The following RSU1 variants were observed in gnomAD, a reference collection of about 807,000 sequenced individuals.
RSU1 encodes the protein Ras suppressor protein 1.
Under a neutral mutation model 31.1 loss-of-function variants are expected in RSU1, and 26 were observed. That is an observed-to-expected ratio of 0.84 (90% CI 0.61 to 1.16). RSU1 has a LOEUF of 1.16. Ranked by LOEUF, RSU1 falls within the 50% of genes most tolerant of loss-of-function variation. The pLI is 0.00. For synonymous variants in RSU1, 164 were observed against 136.3 expected, an observed-to-expected ratio of 1.20 and a Z score of -1.41; for missense variants, 320 against 339.1, an observed-to-expected ratio of 0.94 and a Z score of 0.44.
intron 8 of RSU1, among the ~76,000 whole-genome samples, chr10:16,642,991 T>C (rs1403881852): frequency 6.6e-6 from 1 of 152,250 alleles, no homozygotes; most frequent in Non-Finnish European, 1.5e-5. Context: ...TTTTGATAAG[T>C]ACAAGTGTTT....
In RSU1 at chr10:16,745,644, G is replaced by T. The variant is rs1169791085; in HGVS notation, c.598+6895C>A. On this transcript the variant is annotated intron_variant, in intron 7 of 8. Transcript: ENST00000345264. ...CGGCACAGGAAAGACCCGCCCCCAT[G>T]ATTCAGTCATCTCCCACCAGGTCCC... 1.5e-4 allele frequency among the ~76,000 whole-genome samples: 23 copies of T among 152,160 alleles called. 1 individual carries two copies. The highest frequency in any genetic ancestry group is 1.5e-3 in the Admixed American group (23 of 15,280).
rs1833542144 is a variant in RSU1 at position 16,593,264 on chromosome 10, G to A, written c.*130C>T. The A allele has an allele frequency of 6.8e-7, 1 of 1,470,176 alleles. No individual in the cohort carries two copies. The highest frequency in any genetic ancestry group is 9.0e-7 in the Non-Finnish European group (1 of 1,106,452). The allele number at this position is 1,470,176 out of a possible 1,614,324, so 91.1% of individuals were successfully genotyped here. ...CTAAAAGGTAAGGTGGGAAGCATTAGAAAGAGAGTGAAAAGAAAAATAAAA... is the reference window on the plus strand; with the variant it reads ...CTAAAAGGTAAGGTGGGAAGCATTAAAAAGAGAGTGAAAAGAAAAATAAAA... On this transcript the variant is annotated 3_prime_UTR_variant, in exon 9 of 9. Coordinates refer to ENST00000345264, the MANE Select transcript of RSU1 (RefSeq NM_012425.4).
At chr10:16,636,419 G>A (rs994123216) in intron 8 of RSU1, among the ~76,000 whole-genome samples, 4 of 152,118 alleles carry the variant, frequency 2.6e-5, no homozygotes, top group Admixed American at 2.0e-4. Flanking sequence ...TCCCTCTCCC[G>A]CTTCGAATAA....
intron 2 of RSU1, among the ~76,000 whole-genome samples, chr10:16,782,555 T>A (rs1837676232): frequency 6.6e-6 from 1 of 152,212 alleles, no homozygotes; most frequent in Non-Finnish European, 1.5e-5. Flanking sequence ...TGTTATTGCT[T>A]CAGCTATGTT....
At chr10:16,812,813 T>C (rs1292373947) in intron 2 of RSU1, among the ~76,000 whole-genome samples, 1 of 152,080 alleles carries the variant, frequency 6.6e-6, no homozygotes, top group East Asian at 1.9e-4. Context: ...AGAAAGTTCC[T>C]CCGGCTACAG....
intron 3 of RSU1, among the ~76,000 whole-genome samples, chr10:16,780,823 C>T (rs1192039285): frequency 1.3e-5 from 2 of 152,176 alleles, no homozygotes; most frequent in African/African-American, 4.8e-5. Flanking sequence ...CCTGTTACAA[C>T]AATGACCACA....
rs192494915 is a variant in RSU1, at chr10:16,791,079, T to C, written c.110-8995A>G. On this transcript the variant is annotated intron_variant, in intron 2 of 8. Coordinates refer to ENST00000345264, the MANE Select transcript of RSU1 (RefSeq NM_012425.4). Reference sequence around the variant, plus strand: ...AGAAAAATCAAAGAACTAGCTGGAGTGCAGTGGCATGATCTTGGCTCACTG... The same window carrying C: ...AGAAAAATCAAAGAACTAGCTGGAGCGCAGTGGCATGATCTTGGCTCACTG... Among the ~76,000 whole-genome samples the C allele has an allele frequency of 2.0e-5, 3 of 152,196 alleles. No individual in the cohort carries two copies. The East Asian group carries it at 5.8e-4, about 30-fold the overall frequency.
chr10:16,704,043 C>T (rs750508335), intron 7 of RSU1, among the ~76,000 whole-genome samples: 4 of 151,938 alleles, frequency 2.6e-5, no homozygotes, highest in Non-Finnish European at 5.9e-5. Flanking sequence ...TGTTTCTGGT[C>T]GAAGGACCAC....
At chr10:16,637,649 A>G (rs898533058) in intron 8 of RSU1, among the ~76,000 whole-genome samples, 6 of 152,158 alleles carry the variant, frequency 3.9e-5, no homozygotes, top group African/African-American at 1.4e-4. Context: ...TGGAAAACAG[A>G]GGGAACACAC....
chr10:16,675,318 T>A (rs567281944), intron 8 of RSU1, among the ~76,000 whole-genome samples: 1 of 152,328 alleles, frequency 6.6e-6, no homozygotes, highest in South Asian at 2.1e-4. Flanking sequence ...TAGTTATGTC[T>A]TCCCGATGTC....
At chr10:16,668,430 A>AT (rs1168076523) in intron 8 of RSU1, among the ~76,000 whole-genome samples, 1 of 152,194 alleles carries the variant, frequency 6.6e-6, no homozygotes, top group Non-Finnish European at 1.5e-5. Flanking sequence ...TGAGCAAAAT[A>AT]TATTACCTAG....
chr10:16,725,824 C>A (rs1836381738), intron 7 of RSU1, among the ~76,000 whole-genome samples: 1 of 145,666 alleles, frequency 6.9e-6, no homozygotes, highest in Non-Finnish European at 1.5e-5. Context: ...ACAAAATGGA[C>A]TAAGGCATCT....
At chr10:16,785,439 T>TATATACATATATACATAC (rs753904677) in intron 2 of RSU1, among the ~76,000 whole-genome samples, 1 of 128,382 alleles carries the variant, frequency 7.8e-6, no homozygotes, top group African/African-American at 3.4e-5. Context: ...TATATATATA[T>TATATACATATATACATAC]ACACATATAT....
At chr10:16,668,039 T>C (rs974483393) in intron 8 of RSU1, among the ~76,000 whole-genome samples, 1 of 152,230 alleles carries the variant, frequency 6.6e-6, no homozygotes, top group African/African-American at 2.4e-5. Flanking sequence ...AGACTAGGAC[T>C]GAGCTTGGAG....
intron 7 of RSU1, among the ~76,000 whole-genome samples, chr10:16,719,445 T>C (rs1447344664): frequency 6.6e-6 from 1 of 152,194 alleles, no homozygotes; most frequent in Non-Finnish European, 1.5e-5. Flanking sequence ...GCTGTCGCGC[T>C]TCTTCACCTA....
At chr10:16,668,273 G>C (rs1835038022) in intron 8 of RSU1, among the ~76,000 whole-genome samples, 2 of 152,148 alleles carry the variant, frequency 1.3e-5, no homozygotes, top group South Asian at 4.1e-4. Flanking sequence ...GAGATGTGGG[G>C]GCAGTGATCA....
chr10:16,747,533 G>T (rs1836879031), intron 7 of RSU1, among the ~76,000 whole-genome samples: 1 of 152,002 alleles, frequency 6.6e-6, no homozygotes, highest in African/African-American at 2.4e-5. Flanking sequence ...CATCTAAACT[G>T]TCACCAATTC....
intron 5 of RSU1, 47 bp from the exon 6 acceptor site, chr10:16,753,047 C>G: frequency 2.1e-6 from 3 of 1,456,900 alleles, no homozygotes; most frequent in Non-Finnish European, 2.9e-6. Context: ...TGGAACACAA[C>G]CATTTGAGGT....
chr10:16,741,240 G>A (rs1441785493), intron 7 of RSU1, among the ~76,000 whole-genome samples: 1 of 152,152 alleles, frequency 6.6e-6, no homozygotes, highest in African/African-American at 2.4e-5. Context: ...CATGGTGCTG[G>A]AACAACAGGA....
Sources: gnomAD v4.1 joint callset for allele counts (sites outside exome capture counted in the v4.1 genomes callset) on GRCh38, gnomAD v4.1.1 for gene constraint, MANE v1.5 for transcripts, NCBI Gene and HGNC (gene_info 2026-07-23, HGNC 2026-07-21) for gene names.